NEDD4L: variants seen among roughly 807,000 people sequenced by gnomAD.
The protein encoded by NEDD4L is E3 ubiquitin-protein ligase NEDD4-like.
A neutral mutation model predicts 148.9 loss-of-function variants in NEDD4L; 54 were observed. The ratio of observed to expected loss-of-function variants is 0.36; its 90% CI spans 0.29 to 0.45. The LOEUF (loss-of-function observed/expected upper bound fraction) is 0.45. Ranked by LOEUF, NEDD4L falls within the 20% of genes least tolerant of loss-of-function variation. NEDD4L has a pLI of 1.00. For synonymous variants in NEDD4L, 433 were observed against 440.7 expected, an observed-to-expected ratio of 0.98 and a Z score of 0.22; for missense variants, 856 against 1,233.8, an observed-to-expected ratio of 0.69 and a Z score of 4.59.
At chr18:58,082,846 G>A (rs1198733206) in intron 1 of NEDD4L, among the ~76,000 whole-genome samples, 3 of 151,066 alleles carry the variant, frequency 2.0e-5, no homozygotes, top group South Asian at 2.1e-4. Flanking sequence ...GCGTCCCATC[G>A]TGTGGATGTT....
rs540130882 is a variant in NEDD4L, at chr18:58,061,629, G to A, written c.48+16921G>A. ...TAGTTCAAAGAAACCTCCTTTAGAC[G>A]TTGACTTTCCCTTGCAGTTGTAAAT... On this transcript the variant is annotated intron_variant, in intron 1 of 30. Transcript: ENST00000400345. Among the ~76,000 whole-genome samples, 20 of 152,186 alleles carry A rather than the reference G, an allele frequency of 1.3e-4. 1 individual carries two copies. The highest frequency in any genetic ancestry group is 3.6e-4 in the African/African-American group (15 of 41,512).
chr18:58,130,430 C>T (rs2145948271), intron 1 of NEDD4L, among the ~76,000 whole-genome samples: 2 of 137,244 alleles, frequency 1.5e-5, no homozygotes, highest in African/African-American at 2.8e-5. Flanking sequence ...GGAACTGTGG[C>T]TGTGTTGGGC....
At chr18:58,082,102 A>ATATATATATATATTTTTTTTTTTT in intron 1 of NEDD4L, among the ~76,000 whole-genome samples, 1 of 48,830 alleles carries the variant, frequency 2.0e-5, no homozygotes, top group African/African-American at 1.3e-4. Flanking sequence ...ATATATATAT[A>ATATATATATATATTTTTTTTTTTT]TTTTTTTTTT....
intron 2 of NEDD4L, among the ~76,000 whole-genome samples, chr18:58,202,558 CAG>C (rs2041532026): frequency 1.3e-5 from 2 of 152,256 alleles, no homozygotes; most frequent in Admixed American, 1.3e-4. Flanking sequence ...GGTTTGCAAA[CAG>C]GGATGATGCA....
At chr18:58,105,278 C>T (rs2085001181) in intron 1 of NEDD4L, among the ~76,000 whole-genome samples, 1 of 152,196 alleles carries the variant, frequency 6.6e-6, no homozygotes, top group African/African-American at 2.4e-5. Flanking sequence ...TGCTGTTTCA[C>T]TTGAGCTCAT....
At chr18:58,200,236 G>C (rs762831608) in intron 2 of NEDD4L, among the ~76,000 whole-genome samples, 3 of 152,152 alleles carry the variant, frequency 2.0e-5, no homozygotes, top group Non-Finnish European at 4.4e-5. Flanking sequence ...ATTTTCCATT[G>C]CATTCACTAA....
chr18:58,165,998 T>A (rs2036803306), intron 2 of NEDD4L, 137 bp downstream of exon 2: 4 of 701,682 alleles, frequency 5.7e-6, no homozygotes, highest in Non-Finnish European at 9.7e-6. Flanking sequence ...GGATTCTGAT[T>A]TAGGAAGTGA....
chr18:58,231,183 C>G (rs1314980172), intron 2 of NEDD4L, among the ~76,000 whole-genome samples: 3 of 146,076 alleles, frequency 2.1e-5, no homozygotes, highest in African/African-American at 7.7e-5. Context: ...CCAGGAGATC[C>G]AGGCTGCAGA....
chr18:58,365,375 T>A (rs1328627792), intron 20 of NEDD4L, among the ~76,000 whole-genome samples: 1 of 152,168 alleles, frequency 6.6e-6, no homozygotes, highest in African/African-American at 2.4e-5. Flanking sequence ...CTCTGCACAT[T>A]CATTCTTACA....
chr18:58,213,871 C>T (rs482805), intron 2 of NEDD4L, among the ~76,000 whole-genome samples: 45,261 of 152,082 alleles, frequency 0.3, 7,266 homozygotes, highest in East Asian at 0.48. Context: ...TCTGAGACCC[C>T]GTTTGCCTGC....
At chr18:58,072,921 A>C (rs560266460) in intron 1 of NEDD4L, among the ~76,000 whole-genome samples, 40 of 151,682 alleles carry the variant, frequency 2.6e-4, no homozygotes, top group African/African-American at 8.9e-4. Flanking sequence ...TTGAACTAAT[A>C]ATTGAGTTTA....
intron 30 of NEDD4L, among the ~76,000 whole-genome samples, 177 bp from the exon 31 acceptor site, chr18:58,395,990 A>G (rs2050447101): frequency 6.6e-6 from 1 of 152,168 alleles, no homozygotes; most frequent in African/African-American, 2.4e-5. Flanking sequence ...TGTAAATTAC[A>G]AGAGCTTATT....
chr18:58,177,125 G>A lies in NEDD4L; in HGVS notation c.122+11264G>A, dbSNP rs542202723. ...CCCTTCCTGCACCTCTCCCTGAGCC[G>A]CCGGCCCCTCCTCATTCCTTCCTCT... On this transcript the variant is annotated intron_variant, in intron 2 of 30. Transcript: ENST00000400345. 6.6e-4 allele frequency among the ~76,000 whole-genome samples: 101 copies of A among 151,928 alleles called. 1 individual carries two copies. Among genetic ancestry groups the A allele is most frequent in the Admixed American group, 1.9e-3 (29 of 15,266 alleles).
chr18:58,383,747 G>T (rs1270315425), intron 25 of NEDD4L, among the ~76,000 whole-genome samples: 1 of 152,146 alleles, frequency 6.6e-6, no homozygotes, highest in Non-Finnish European at 1.5e-5. Context: ...TAGTTAAAAT[G>T]GATAGGAAGA....
chr18:58,195,552 G>A lies in NEDD4L; in HGVS notation c.122+29691G>A, dbSNP rs753439323. 12 of 1,339,412 alleles carry A rather than the reference G, an allele frequency of 9.0e-6. No individual in the cohort carries two copies. The African/African-American group carries it at 1.0e-4, about 12-fold the overall frequency. 83.0% of individuals were successfully genotyped at this position (1,339,412 alleles called of 1,614,324 possible). A position where few individuals can be genotyped will look rare whatever the true frequency, so the allele number is the denominator to read the frequency against. ...GGAGCGGCTGCAGAGCCCTGTCCAC[G>A]CGGTGCCTCCCCAGCACGGCACCTC... On this transcript the variant is annotated intron_variant, in intron 2 of 30. Coordinates refer to ENST00000400345, the MANE Select transcript of NEDD4L (RefSeq NM_001144967.3).
chr18:58,195,528 G>A, intron 2 of NEDD4L: 1 of 1,342,616 alleles, frequency 7.4e-7, no homozygotes, highest in Non-Finnish European at 9.8e-7. Flanking sequence ...ACCTGGGCGG[G>A]AGCGGCTGCA....
intron 1 of NEDD4L, among the ~76,000 whole-genome samples, chr18:58,128,188 A>G (rs1399098740): frequency 6.6e-6 from 1 of 152,080 alleles, no homozygotes; most frequent in Non-Finnish European, 1.5e-5. Flanking sequence ...CTGGGACTAC[A>G]GGCTCCCGCC....
intron 2 of NEDD4L, among the ~76,000 whole-genome samples, chr18:58,231,237 CAAA>C (rs67220469): frequency 0.083 from 7,434 of 89,778 alleles, 276 homozygotes; most frequent in East Asian, 0.33. Context: ...GACCCTATCT[CAAA>C]AAAAAAAAAA....
At position 58,321,567 on chromosome 18, in the gene NEDD4L, T is replaced by G. The variant is rs533646976; in HGVS notation, c.349-858T>G. 3.6e-3 allele frequency among the ~76,000 whole-genome samples: 549 copies of G among 152,294 alleles called. 3 individuals carry two copies. Among genetic ancestry groups the G allele is most frequent in the Middle Eastern group, 0.014 (4 of 294 alleles). On this transcript the variant is annotated intron_variant, in intron 6 of 30. Transcript: ENST00000400345. ...AGAGGAGTAGGAACCCATTGAGAGT[T>G]TAAAGCAGAGAATGACATAAACAGA... is the stretch of plus-strand genomic sequence containing the variant.
Sources: allele counts gnomAD v4.1 joint callset (sites outside exome capture counted in the v4.1 genomes callset), GRCh38; gene constraint gnomAD v4.1.1; transcripts MANE v1.5; gene names NCBI Gene and HGNC (gene_info 2026-07-23, HGNC 2026-07-21).